Variants in RNF157 observed in about 807,000 individuals in gnomAD.
RNF157 encodes the protein E3 ubiquitin ligase RNF157.
RNF157 carries 55 observed loss-of-function variants against 88.3 expected under a neutral mutation model. The observed-to-expected ratio is 0.62, with a 90% CI of 0.50 to 0.78. RNF157 has a LOEUF of 0.78. Among genes scored for constraint, RNF157 ranks in the 30% least tolerant of loss-of-function variants. RNF157 has a pLI of 0.00. For synonymous variants in RNF157, 334 were observed against 341.2 expected, an observed-to-expected ratio of 0.98 and a Z score of 0.23; for missense variants, 788 against 860.8, an observed-to-expected ratio of 0.92 and a Z score of 1.06.
rs59053255 is a variant in RNF157, at chr17:76,154,306, T to A, written c.1787A>T (p.Glu596Val). ...ACCTTCCTGCGTGGGTGATCCATCC[T>A]CTTCCTCTATAACATCATTTCCCTA... is the stretch of plus-strand genomic sequence containing the variant. ...DAEGNDVIEE[E>V]DGSPTQEGQR... is the part of the protein sequence containing the mutation. The change falls in exon 17 of 19, where the codon GAG (glutamate) becomes GTG (valine). Residue 596 changes from glutamate (E) to valine (V), a missense_variant. By Grantham distance (121) the Glu-to-Val change is moderately radical (BLOSUM62 -2). Transcript: ENST00000269391. The A allele has an allele frequency of 6.2e-7, 1 of 1,612,404 alleles. No individual in the cohort carries two copies. The highest frequency in any genetic ancestry group is 1.3e-5 in the African/African-American group (1 of 75,000).
At chr17:76,226,239 C>T (rs7210049) in intron 1 of RNF157, 845,273 of 1,610,078 alleles carry the variant, frequency 0.52, 227,655 homozygotes, top group African/African-American at 0.86. Flanking sequence ...CTATCTTCTT[C>T]AGTGATATCC....
Position 76,176,384 on chromosome 17 carries a change from A to C in RNF157, c.208-2594T>G, listed in dbSNP as rs2069102917. Reference sequence around the variant, plus strand: ...ATTTGCAAATTCAGAGATAACAGAGAAGATGGAGGGGACAGTAGGATCAGA... The same window carrying C: ...ATTTGCAAATTCAGAGATAACAGAGCAGATGGAGGGGACAGTAGGATCAGA... On this transcript the variant is annotated intron_variant, in intron 2 of 18. Coordinates refer to ENST00000269391, the MANE Select transcript of RNF157 (RefSeq NM_052916.3). The surrounding 1 kb of genome is among the most constrained non-coding windows in gnomAD (Gnocchi z 4.2). Among the ~76,000 whole-genome samples the C allele has an allele frequency of 6.6e-6, 1 of 152,190 alleles. No homozygotes were observed. The highest frequency in any genetic ancestry group is 1.5e-5 in the Non-Finnish European group (1 of 68,020).
At chr17:76,194,093 C>T (rs1373758465) in intron 2 of RNF157, among the ~76,000 whole-genome samples, 1 of 152,138 alleles carries the variant, frequency 6.6e-6, no homozygotes, top group Admixed American at 6.6e-5. Flanking sequence ...AATTTATATA[C>T]AGTAAAATTC....
At chr17:76,239,901 C>A (rs2070348396) in intron 1 of RNF157, among the ~76,000 whole-genome samples, 1 of 152,202 alleles carries the variant, frequency 6.6e-6, no homozygotes, top group Non-Finnish European at 1.5e-5. Context: ...GAGGCCGCTC[C>A]CGTCCTCCCG....
At chr17:76,228,277 C>T (rs1022954368) in intron 1 of RNF157, among the ~76,000 whole-genome samples, 3 of 152,182 alleles carry the variant, frequency 2.0e-5, no homozygotes, top group Non-Finnish European at 4.4e-5. Flanking sequence ...AAACCCTTCC[C>T]ACATTCTCAA....
At chr17:76,201,207 C>T (rs977923997) in intron 2 of RNF157, among the ~76,000 whole-genome samples, 2 of 151,232 alleles carry the variant, frequency 1.3e-5, no homozygotes, top group South Asian at 2.1e-4. Flanking sequence ...TATGAAGAGC[C>T]GGGCACAGTG....
chr17:76,209,941 G>C (rs1011447319), intron 2 of RNF157, among the ~76,000 whole-genome samples: 1 of 152,040 alleles, frequency 6.6e-6, no homozygotes, highest in African/African-American at 2.4e-5. Flanking sequence ...TGTATTTTTA[G>C]TAGAGATGGG....
At chr17:76,184,814 G>A (rs1448898383) in intron 2 of RNF157, among the ~76,000 whole-genome samples, 1 of 152,180 alleles carries the variant, frequency 6.6e-6, no homozygotes, top group Admixed American at 6.5e-5. Context: ...GGCTATCAAA[G>A]AAATCAATCC....
At position 76,240,348 on chromosome 17, in the gene RNF157, G is replaced by A; in HGVS notation, c.-108C>T. ...GGTGCGGGGGCCGACTGCCCGCCGC[G>A]GCCGGCTCCGCTGCGGCGCTGCGGC... On this transcript the variant is annotated 5_prime_UTR_variant, in exon 1 of 19. Coordinates refer to ENST00000269391, the MANE Select transcript of RNF157 (RefSeq NM_052916.3). This position sits in a 1 kb window ranked among gnomAD's most constrained non-coding sequence, Gnocchi z 4.4. 3.0e-6 allele frequency: 1 copy of A among 335,896 alleles called. No individual in the cohort carries two copies. Among genetic ancestry groups the A allele is most frequent in the Non-Finnish European group, 4.2e-6 (1 of 239,566 alleles). The allele number at this position is 335,896 out of a possible 1,614,324, so 20.8% of individuals were successfully genotyped here.
intron 1 of RNF157, chr17:76,226,025 T>C: frequency 2.5e-6 from 4 of 1,611,592 alleles, no homozygotes; most frequent in Non-Finnish European, 2.5e-6. Flanking sequence ...AGGAGGATCG[T>C]AAGGTTTGGG....
Position 76,167,012 on chromosome 17 carries a change from C to T in RNF157, c.558G>A (p.Glu186=). ...HTVDPSEWAE[E]ELGFDLDREV... Reference sequence around the variant, plus strand: ...ACCCTCCCCAGAGGCAGCTCACCTCCTCTTCGGCCCACTCGGAGGGATCCA... The same window carrying T: ...ACCCTCCCCAGAGGCAGCTCACCTCTTCTTCGGCCCACTCGGAGGGATCCA... Residue 186 remains glutamate, a synonymous_variant, in exon 5 of 19, where the codon GAG becomes GAA. Transcript: ENST00000269391. The T allele has an allele frequency of 1.2e-6, 2 of 1,604,626 alleles. No homozygotes were observed. Among genetic ancestry groups the T allele is most frequent in the Non-Finnish European group, 8.5e-7 (1 of 1,178,188 alleles).
At chr17:76,200,748 T>C (rs2069561513) in intron 2 of RNF157, among the ~76,000 whole-genome samples, 1 of 152,216 alleles carries the variant, frequency 6.6e-6, no homozygotes. Context: ...CCCTAAACCA[T>C]TTTAAAAGTA....
rs537584308 is a variant in RNF157 at position 76,149,883 on chromosome 17, A to C, written c.1921+2472T>G. 9.1e-4 allele frequency among the ~76,000 whole-genome samples: 139 copies of C among 152,020 alleles called. 1 individual carries two copies. Among genetic ancestry groups the C allele is most frequent in the African/African-American group, 3.2e-3 (133 of 41,462 alleles). ...ACTCCGTCTCTGCTAAAAATACAAA[A>C]ATTAGCCGGGCGTGGTGGCGGGCGC... is the stretch of plus-strand genomic sequence containing the variant. On this transcript the variant is annotated intron_variant, in intron 18 of 18. Coordinates refer to ENST00000269391, the MANE Select transcript of RNF157 (RefSeq NM_052916.3).
At chr17:76,151,349 T>C (rs1048245496) in intron 18 of RNF157, among the ~76,000 whole-genome samples, 2 of 152,184 alleles carry the variant, frequency 1.3e-5, no homozygotes, top group African/African-American at 4.8e-5. Context: ...GGGGCCAGAG[T>C]GTGCTTGGAC....
Position 76,145,059 on chromosome 17 carries a change from A to G in RNF157, c.*176T>C, listed in dbSNP as rs1334488217. The G allele has an allele frequency of 1.8e-6, 1 of 563,098 alleles. No individual in the cohort carries two copies. The highest frequency in any genetic ancestry group is 3.2e-6 in the Non-Finnish European group (1 of 315,894). 34.9% of individuals were successfully genotyped at this position (563,098 alleles called of 1,614,324 possible). On this transcript the variant is annotated 3_prime_UTR_variant, in exon 19 of 19. Coordinates refer to ENST00000269391, the MANE Select transcript of RNF157 (RefSeq NM_052916.3). ...TTGAGTGGCTTTAGGTCACACGGAG[A>G]AAGGAGGGTTCCAGTTCCCTCTGAG...
At chr17:76,174,796 G>T (rs181842080) in intron 2 of RNF157, among the ~76,000 whole-genome samples, 1 of 152,130 alleles carries the variant, frequency 6.6e-6, no homozygotes. Flanking sequence ...CTTAATGTAC[G>T]CAGTATAATT....
chr17:76,180,963 C>T (rs1278157758), intron 2 of RNF157, among the ~76,000 whole-genome samples: 1 of 151,912 alleles, frequency 6.6e-6, no homozygotes, highest in Non-Finnish European at 1.5e-5. Context: ...TCCAACATGC[C>T]GGAGAAATAC....
chr17:76,239,778 G>A (rs994510762), intron 1 of RNF157, among the ~76,000 whole-genome samples: 3 of 152,158 alleles, frequency 2.0e-5, no homozygotes, highest in African/African-American at 4.8e-5. Flanking sequence ...GCTTTGGGCC[G>A]GGCCGGCCGG....
intron 3 of RNF157, among the ~76,000 whole-genome samples, chr17:76,169,311 G>C (rs1314092670): frequency 6.6e-6 from 1 of 151,354 alleles, no homozygotes; most frequent in Non-Finnish European, 1.5e-5. Context: ...TATTTTTTTG[G>C]TTTCATAAAC....
Sources: allele counts gnomAD v4.1 joint callset (sites outside exome capture counted in the v4.1 genomes callset), GRCh38; gene constraint gnomAD v4.1.1; non-coding constraint Gnocchi (gnomAD v3.1); transcripts MANE v1.5; gene names NCBI Gene and HGNC (gene_info 2026-07-23, HGNC 2026-07-21).